The following SLC44A1 variants were observed in gnomAD, a reference collection of about 807,000 sequenced individuals.
SLC44A1 encodes the protein choline transporter-like protein 1.
In SLC44A1, 26 loss-of-function variants were observed where a neutral mutation model predicts 79.3. The ratio of observed to expected loss-of-function variants is 0.33; its 90% confidence interval spans 0.24 to 0.46. The LOEUF (loss-of-function observed/expected upper bound fraction) is 0.46, where lower values mean the gene tolerates loss of function less well. Ranked by LOEUF, SLC44A1 falls within the 20% of genes least tolerant of loss-of-function variation. The pLI, the probability that SLC44A1 is intolerant of heterozygous loss-of-function variation, is 1.00. For synonymous variants in SLC44A1, 263 were observed against 286.2 expected, an observed-to-expected ratio of 0.92 and a Z score of 0.82; for missense variants, 688 against 798.1, an observed-to-expected ratio of 0.86 and a Z score of 1.66.
At chr9:105,254,597 T>G (rs1203834679) in intron 1 of SLC44A1, among the ~76,000 whole-genome samples, 1 of 152,248 alleles carries the variant, frequency 6.6e-6, no homozygotes, top group Non-Finnish European at 1.5e-5. Context: ...CCTAACATTT[T>G]ACTTATAGCC....
chr9:105,273,309 G>T (rs1830120428), intron 1 of SLC44A1, among the ~76,000 whole-genome samples: 1 of 152,158 alleles, frequency 6.6e-6, no homozygotes, highest in Non-Finnish European at 1.5e-5. Context: ...TTTTATTACA[G>T]TAAGTTTGAT....
chr9:105,252,769 CTG>C (rs1271079600), intron 1 of SLC44A1, among the ~76,000 whole-genome samples: 1 of 152,208 alleles, frequency 6.6e-6, no homozygotes, highest in Non-Finnish European at 1.5e-5. Flanking sequence ...GGAATTCACT[CTG>C]TGAAGATGGT....
chr9:105,411,446 C>CTGTGTGTGTGTG (rs1156343764), intron 15 of SLC44A1, among the ~76,000 whole-genome samples: 7 of 142,784 alleles, frequency 4.9e-5, no homozygotes, highest in African/African-American at 1.9e-4. Flanking sequence ...TGGTCTCTCT[C>CTGTGTGTGTGTG]TGTGTATGTG....
chr9:105,294,985 G>A (rs327988), intron 1 of SLC44A1, among the ~76,000 whole-genome samples: 145,922 of 151,662 alleles, frequency 0.96, 70,234 homozygotes, highest in East Asian at 1. Context: ...TAGTACACTG[G>A]TGAGCCTGAG....
At chr9:105,312,389 T>G (rs1048925586) in intron 3 of SLC44A1, among the ~76,000 whole-genome samples, 1 of 152,224 alleles carries the variant, frequency 6.6e-6, no homozygotes, top group African/African-American at 2.4e-5. Context: ...TTTGATTATT[T>G]GTTAAATGTG....
chr9:105,396,650 T>C lies in SLC44A1; in HGVS notation c.*7594T>C. 1.0e-6 allele frequency: 1 copy of C among 985,036 alleles called. No individual in the cohort carries two copies. The highest frequency in any genetic ancestry group is 1.2e-6 in the Non-Finnish European group (1 of 829,922). The allele number at this position is 985,036 out of a possible 1,614,324, so 61.0% of individuals were successfully genotyped here. A position where few individuals can be genotyped will look rare whatever the true frequency, so the allele number is the denominator to read the frequency against. ...ACACACATCGGTGTGTCTTGATTTC[T>C]CGCAGCTGTGTAATGTGGCATGAGA... On this transcript the variant is annotated 3_prime_UTR_variant, in exon 16 of 16. Coordinates refer to ENST00000374720, the MANE Select transcript of SLC44A1 (RefSeq NM_080546.5).
Position 105,421,695 on chromosome 9 carries a change from C to G in SLC44A1, c.1951-16586C>G, listed in dbSNP as rs1055355572. 2.7e-5 allele frequency among the ~76,000 whole-genome samples: 4 copies of G among 150,732 alleles called. No individual in the cohort carries two copies. In the East Asian group the frequency reaches 7.9e-4, roughly 30 times the overall value. On this transcript the variant is annotated intron_variant, in intron 15 of 15. Transcript: ENST00000374724. Reference sequence around the variant, plus strand: ...CTCCGCTTCCTGGGTTCACGCCATTCTCCTGCCTCAGCCTCCCGAGTAGCT... The same window carrying G: ...CTCCGCTTCCTGGGTTCACGCCATTGTCCTGCCTCAGCCTCCCGAGTAGCT...
chr9:105,380,833 T>C (rs1030827101), intron 13 of SLC44A1, among the ~76,000 whole-genome samples: 1 of 152,182 alleles, frequency 6.6e-6, no homozygotes, highest in African/African-American at 2.4e-5. Context: ...ACTACTGGGC[T>C]TTATCATGGA....
chr9:105,408,255 GA>G (rs372445318), intron 15 of SLC44A1, among the ~76,000 whole-genome samples: 236 of 152,260 alleles, frequency 1.5e-3, no homozygotes, highest in African/African-American at 5.3e-3. Flanking sequence ...TGCCCTATGA[GA>G]AATGCTAAGG....
rs1554790127 is a variant in SLC44A1, at chr9:105,304,944, G to GTTTTTTTTTGTTTTTTTTTTTTTT, written c.127-4771_127-4770insGTTTTTTTTTTTTTTTTTTTTTTT. ...GTAGTTATTCCCTAGACTTTCTATCGTTTTTTTTTTTTTTTTTTTTTTTTT... is the reference window on the plus strand; with the variant it reads ...GTAGTTATTCCCTAGACTTTCTATCGTTTTTTTTTGTTTTTTTTTTTTTTTTTTTTTTTTTTTTTTTTTTTTTTT... On this transcript the variant is annotated intron_variant, in intron 2 of 15. Transcript: ENST00000374720. Among the ~76,000 whole-genome samples, 3 of 20,086 alleles carry GTTTTTTTTTGTTTTTTTTTTTTTT rather than the reference G, an allele frequency of 1.5e-4. 1 individual carries two copies. Among genetic ancestry groups the GTTTTTTTTTGTTTTTTTTTTTTTT allele is most frequent in the Admixed American group, 6.8e-4 (1 of 1,476 alleles). The allele number at this position is 20,086 out of a possible 152,430, so 13.2% of individuals were successfully genotyped here. A position where few individuals can be genotyped will look rare whatever the true frequency, so the allele number is the denominator to read the frequency against.
intron 3 of SLC44A1, among the ~76,000 whole-genome samples, chr9:105,325,561 G>A (rs540861007): frequency 1.3e-5 from 2 of 152,232 alleles, no homozygotes; most frequent in East Asian, 1.9e-4. Context: ...ATGAGGGGTC[G>A]AGTGTGCTGA....
intron 4 of SLC44A1, among the ~76,000 whole-genome samples, chr9:105,340,271 G>C (rs138255620): frequency 8.5e-5 from 13 of 152,306 alleles, no homozygotes; most frequent in African/African-American, 2.9e-4. Flanking sequence ...GACATTATGC[G>C]AAGTGAAGTA....
intron 13 of SLC44A1, among the ~76,000 whole-genome samples, chr9:105,380,716 G>T (rs1302366979): frequency 1.3e-5 from 2 of 152,032 alleles, no homozygotes; most frequent in Admixed American, 1.3e-4. Context: ...TAGGACGTGG[G>T]TATCTCCATC....
At chr9:105,397,703 G>T (rs1490971338), downstream of SLC44A1, among the ~76,000 whole-genome samples, 1 of 152,130 alleles carries the variant, frequency 6.6e-6, no homozygotes, top group Non-Finnish European at 1.5e-5. Context: ...CCAGCACTTT[G>T]GGAGGCCGAG....
At chr9:105,269,640 T>G (rs549582244) in intron 1 of SLC44A1, among the ~76,000 whole-genome samples, 98 of 152,326 alleles carry the variant, frequency 6.4e-4, no homozygotes, top group African/African-American at 2.3e-3. Flanking sequence ...GAGTTGACAT[T>G]ATGCTCAATT....
At chr9:105,388,004 G>A (rs1310169269) in intron 15 of SLC44A1, among the ~76,000 whole-genome samples, 3 of 152,096 alleles carry the variant, frequency 2.0e-5, no homozygotes, top group African/African-American at 7.2e-5. Flanking sequence ...TTCATTTTAT[G>A]CTGTTCATCA....
intron 15 of SLC44A1, among the ~76,000 whole-genome samples, chr9:105,417,620 C>T (rs972653729): frequency 6.6e-6 from 1 of 152,122 alleles, no homozygotes; most frequent in Non-Finnish European, 1.5e-5. Context: ...TATCCTGAAA[C>T]CAGTGCCCAA....
chr9:105,279,410 C>T (rs1393573283), intron 1 of SLC44A1, among the ~76,000 whole-genome samples: 3 of 151,364 alleles, frequency 2.0e-5, no homozygotes, highest in East Asian at 2.0e-4. Flanking sequence ...CTCCGCCTCC[C>T]GGGTTCAGCT....
At chr9:105,343,851 C>T (rs1484138421) in intron 4 of SLC44A1, among the ~76,000 whole-genome samples, 2 of 152,118 alleles carry the variant, frequency 1.3e-5, no homozygotes, top group African/African-American at 2.4e-5. Flanking sequence ...CATAGATGTT[C>T]AAAATTAATT....
Sources: allele counts gnomAD v4.1 joint callset (sites outside exome capture counted in the v4.1 genomes callset), GRCh38; gene constraint gnomAD v4.1.1; transcripts MANE v1.5; gene names NCBI Gene and HGNC (gene_info 2026-07-23, HGNC 2026-07-21).